Variants in LHFPL6 observed in about 807,000 individuals in gnomAD.
LHFPL6 encodes LHFPL tetraspan subfamily member 6 protein.
In LHFPL6, 9 loss-of-function variants were observed where a neutral mutation model predicts 20.6. The observed-to-expected ratio is 0.44, with a 90% confidence interval of 0.26 to 0.76. The LOEUF is 0.76. LHFPL6 is among the 30% of genes least tolerant of loss of function. The probability of loss-of-function intolerance (pLI) is 0.20; values close to 1 mark genes in which losing one functional copy is unlikely to be tolerated. For missense variants in LHFPL6, 218 were observed against 253.5 expected, an observed-to-expected ratio of 0.86 and a Z score of 0.95; for synonymous variants, 105 against 98.7, an observed-to-expected ratio of 1.06 and a Z score of -0.38.
At chr13:39,345,512 CAAA>C (rs71077225) in intron 3 of LHFPL6, among the ~76,000 whole-genome samples, 26 of 43,452 alleles carry the variant, frequency 6.0e-4, no homozygotes, top group East Asian at 2.0e-3. Flanking sequence ...GACTCCATCT[CAAA>C]AAAAAAAAAA....
intron 2 of LHFPL6, among the ~76,000 whole-genome samples, chr13:39,534,503 TGTAA>T (rs1870559178): frequency 6.6e-6 from 1 of 152,190 alleles, no homozygotes. Flanking sequence ...AAAATAGCTG[TGTAA>T]GTGTTAATAT....
chr13:39,362,895 T>C (rs1049214904), intron 3 of LHFPL6, among the ~76,000 whole-genome samples: 4 of 152,150 alleles, frequency 2.6e-5, no homozygotes, highest in Admixed American at 1.3e-4. Context: ...CTGTGTCCAG[T>C]GGGGAAGGAA....
chr13:39,565,262 C>A lies in LHFPL6; in HGVS notation c.385+35570G>T, dbSNP rs1593366000. Reference sequence around the variant, plus strand: ...TATTTCATCATAGAATGATAGTGTACCCTTAAAAAAAAAAATCCAGTACAG... The same window carrying A: ...TATTTCATCATAGAATGATAGTGTAACCTTAAAAAAAAAAATCCAGTACAG... On this transcript the variant is annotated intron_variant, in intron 2 of 3. Coordinates refer to ENST00000379589, the MANE Select transcript of LHFPL6 (RefSeq NM_005780.3). Among the ~76,000 whole-genome samples, 7 of 130,390 alleles carry A rather than the reference C, an allele frequency of 5.4e-5. No individual in the cohort carries two copies. In the South Asian group the frequency reaches 1.3e-3, roughly 24 times the overall value. The allele number at this position is 130,390 out of a possible 152,430, so 85.5% of individuals were successfully genotyped here.
Position 39,581,153 on chromosome 13 carries a change from A to G in LHFPL6, c.385+19679T>C, listed in dbSNP as rs1872269826. 2.6e-5 allele frequency among the ~76,000 whole-genome samples: 4 copies of G among 152,224 alleles called. No homozygotes were observed. In the South Asian group the frequency reaches 8.3e-4, roughly 31 times the overall value. On this transcript the variant is annotated intron_variant, in intron 2 of 3. Transcript: ENST00000379589. The stretch of plus-strand genomic sequence containing the variant: ...TACAAGCCTAACAAGCTAAATAAGG[A>G]AAGTATAGAGAAATGAAAATATTTC...
chr13:39,497,537 G>A (rs929409994), intron 2 of LHFPL6, among the ~76,000 whole-genome samples: 4 of 152,104 alleles, frequency 2.6e-5, no homozygotes, highest in Non-Finnish European at 4.4e-5. Flanking sequence ...AAAAACACTC[G>A]GCTAACATTT....
At chr13:39,370,469 G>A (rs757148915) in intron 3 of LHFPL6, among the ~76,000 whole-genome samples, 5 of 152,178 alleles carry the variant, frequency 3.3e-5, no homozygotes, top group Admixed American at 1.3e-4. Context: ...CTGCATTAAC[G>A]GCCTTAAATT....
intron 2 of LHFPL6, among the ~76,000 whole-genome samples, chr13:39,573,725 A>C (rs1401111553): frequency 2.0e-5 from 3 of 152,222 alleles, no homozygotes; most frequent in Non-Finnish European, 4.4e-5. Context: ...AACTAAAGAA[A>C]AAAAAAGAAA....
At position 39,479,693 on chromosome 13, in the gene LHFPL6, T is replaced by G. The variant is rs148655521; in HGVS notation, c.386-101167A>C. On this transcript the variant is annotated intron_variant, in intron 2 of 3. Coordinates refer to ENST00000379589, the MANE Select transcript of LHFPL6 (RefSeq NM_005780.3). ...TAAATGCTGGAAATATAATAATGAG[T>G]AAAATAACAGTTGAAAGAACTCACA... Among the ~76,000 whole-genome samples, 172 of 152,064 alleles carry G rather than the reference T, an allele frequency of 1.1e-3. 2 individuals carry two copies. The highest frequency in any genetic ancestry group is 3.8e-3 in the African/African-American group (159 of 41,496).
chr13:39,501,661 G>A (rs377081476), intron 2 of LHFPL6, among the ~76,000 whole-genome samples: 3 of 152,084 alleles, frequency 2.0e-5, no homozygotes, highest in African/African-American at 7.2e-5. Context: ...GGGTGGGTGA[G>A]GTATGGAGAA....
At chr13:39,354,204 C>A (rs1486113056) in intron 3 of LHFPL6, among the ~76,000 whole-genome samples, 1 of 152,058 alleles carries the variant, frequency 6.6e-6, no homozygotes, top group East Asian at 1.9e-4. Context: ...CTGAATTACA[C>A]CATCAAACAA....
At chr13:39,579,370 C>T (rs1361163679) in intron 2 of LHFPL6, among the ~76,000 whole-genome samples, 2 of 152,154 alleles carry the variant, frequency 1.3e-5, no homozygotes, top group East Asian at 1.9e-4. Flanking sequence ...AATGGTCACC[C>T]AGCAGGTCAT....
At chr13:39,587,595 G>A (rs866663186) in intron 2 of LHFPL6, among the ~76,000 whole-genome samples, 9 of 152,028 alleles carry the variant, frequency 5.9e-5, no homozygotes, top group African/African-American at 9.7e-5. Flanking sequence ...TTTGAATTAT[G>A]TATTGTGTTT....
chr13:39,418,527 G>C (rs559687782), intron 2 of LHFPL6, among the ~76,000 whole-genome samples: 3 of 151,964 alleles, frequency 2.0e-5, no homozygotes, highest in African/African-American at 7.2e-5. Context: ...TGCAAGTAGC[G>C]TCTGGGGGAA....
intron 2 of LHFPL6, among the ~76,000 whole-genome samples, chr13:39,477,602 C>A (rs936174989): frequency 2.0e-5 from 3 of 152,130 alleles, no homozygotes; most frequent in Non-Finnish European, 4.4e-5. Context: ...ACTTTTAGAG[C>A]ATGCGAGAAT....
rs539874453 is a variant in LHFPL6 at position 39,478,950 on chromosome 13, C to T, written c.386-100424G>A. Among the ~76,000 whole-genome samples, 13 of 150,778 alleles carry T rather than the reference C, an allele frequency of 8.6e-5. No individual in the cohort carries two copies. The East Asian group carries it at 1.2e-3, about 14-fold the overall frequency. On this transcript the variant is annotated intron_variant, in intron 2 of 3. Transcript: ENST00000379589. ...ATGAATCTCTTTATCCATAATATATCGATATGTCTCTATATATAATATATA... is the reference window on the plus strand; with the variant it reads ...ATGAATCTCTTTATCCATAATATATTGATATGTCTCTATATATAATATATA...
chr13:39,552,467 G>A (rs1177697251), intron 2 of LHFPL6, among the ~76,000 whole-genome samples: 1 of 152,098 alleles, frequency 6.6e-6, no homozygotes, highest in African/African-American at 2.4e-5. Flanking sequence ...TGCATGCAAG[G>A]GATCAAAGGC....
intron 2 of LHFPL6, among the ~76,000 whole-genome samples, chr13:39,503,812 T>C (rs1268264859): frequency 6.6e-6 from 1 of 152,228 alleles, no homozygotes; most frequent in Non-Finnish European, 1.5e-5. Context: ...AGCAGACTTA[T>C]TTTGCCAATA....
At chr13:39,452,059 C>A (rs1253846015) in intron 2 of LHFPL6, among the ~76,000 whole-genome samples, 1 of 149,758 alleles carries the variant, frequency 6.7e-6, no homozygotes, top group Non-Finnish European at 1.5e-5. Context: ...TTTAAAGGAA[C>A]AAAAACTTTC....
intron 2 of LHFPL6, among the ~76,000 whole-genome samples, chr13:39,523,912 C>A (rs772829334): frequency 6.6e-6 from 1 of 151,690 alleles, no homozygotes; most frequent in African/African-American, 2.4e-5. Flanking sequence ...AATAAGCTGG[C>A]GAGCTTCAAA....
Sources: allele counts gnomAD v4.1 joint callset (sites outside exome capture counted in the v4.1 genomes callset), GRCh38; gene constraint gnomAD v4.1.1; transcripts MANE v1.5; gene names NCBI Gene and HGNC (gene_info 2026-07-23, HGNC 2026-07-21).